The following BBS9 variants were observed in gnomAD, a reference collection of about 807,000 sequenced individuals.
BBS9 encodes protein PTHB1.
Under a neutral mutation model 117.7 loss-of-function variants are expected in BBS9, and 89 were observed. The ratio of observed to expected loss-of-function variants is 0.76; its 90% CI spans 0.64 to 0.90. The LOEUF (loss-of-function observed/expected upper bound fraction) is 0.90. Among genes scored for constraint, BBS9 ranks in the 40% least tolerant of loss-of-function variants. BBS9 has a pLI of 0.00. For missense variants in BBS9, 982 were observed against 1,042.2 expected, an observed-to-expected ratio of 0.94 and a Z score of 0.80; for synonymous variants, 379 against 370.9, an observed-to-expected ratio of 1.02 and a Z score of -0.25.
At chr7:33,365,944 G>A (rs917100258) in intron 16 of BBS9, among the ~76,000 whole-genome samples, 4 of 152,214 alleles carry the variant, frequency 2.6e-5, no homozygotes, top group African/African-American at 7.2e-5. Flanking sequence ...CCTCGGGTGT[G>A]AGCTGGCTCA....
intron 19 of BBS9, among the ~76,000 whole-genome samples, chr7:33,419,698 A>G (rs1409545750): frequency 6.6e-6 from 1 of 152,192 alleles, no homozygotes; most frequent in East Asian, 1.9e-4. Context: ...ATATCTTAAG[A>G]GCATTTGGTG....
At position 33,464,576 on chromosome 7, in the gene BBS9, G is replaced by A. The variant is rs1376398775; in HGVS notation, c.2116-40887G>A. Among the ~76,000 whole-genome samples the A allele has an allele frequency of 2.6e-5, 4 of 151,900 alleles. No homozygotes were observed. In the East Asian group the frequency reaches 7.7e-4, roughly 29 times the overall value. ...TCCAAATGAAAATGTAATAACATCT[G>A]TTCAATAATTTTTTTCCTACTGGAG... On this transcript the variant is annotated intron_variant, in intron 19 of 22. Transcript: ENST00000242067.
At chr7:33,495,222 G>A (rs191170965) in intron 19 of BBS9, among the ~76,000 whole-genome samples, 4 of 152,272 alleles carry the variant, frequency 2.6e-5, no homozygotes, top group African/African-American at 9.6e-5. Context: ...GGGGTCTCCA[G>A]CCTCCCTTTT....
intron 21 of BBS9, among the ~76,000 whole-genome samples, chr7:33,596,838 C>T (rs2129189180): frequency 6.6e-6 from 1 of 152,182 alleles, no homozygotes; most frequent in South Asian, 2.1e-4. Context: ...CCTGCCCATC[C>T]CCCTTCCTTC....
intron 7 of BBS9, among the ~76,000 whole-genome samples, chr7:33,268,999 A>G (rs773831821): frequency 6.6e-6 from 1 of 152,202 alleles, no homozygotes; most frequent in Non-Finnish European, 1.5e-5. Flanking sequence ...CCAAATAGTA[A>G]TCAAATAATT....
At chr7:33,588,969 G>A (rs1861422269) in intron 21 of BBS9, among the ~76,000 whole-genome samples, 1 of 152,050 alleles carries the variant, frequency 6.6e-6, no homozygotes, top group Non-Finnish European at 1.5e-5. Context: ...TTTTCCTCTG[G>A]GTGAAATGGG....
intron 5 of BBS9, among the ~76,000 whole-genome samples, chr7:33,178,198 T>C (rs1797607271): frequency 1.3e-5 from 2 of 152,166 alleles, no homozygotes; most frequent in Non-Finnish European, 2.9e-5. Context: ...GGGATGTGGG[T>C]CTGAAATACA....
Position 33,465,300 on chromosome 7 carries a change from A to G in BBS9, c.2116-40163A>G, listed in dbSNP as rs569369349. 3.3e-5 allele frequency among the ~76,000 whole-genome samples: 5 copies of G among 149,812 alleles called. 1 individual carries two copies. The Middle Eastern group carries it at 0.014, about 419-fold the overall frequency. On this transcript the variant is annotated intron_variant, in intron 19 of 22. Transcript: ENST00000242067. ...GCTTCCTCTCATTAATGCTTTCATG[A>G]GGCATATTTATTTTATGATCGTGTA...
chr7:33,320,458 A>G (rs1811457287), intron 9 of BBS9, among the ~76,000 whole-genome samples: 3 of 152,138 alleles, frequency 2.0e-5, no homozygotes, highest in Non-Finnish European at 4.4e-5. Context: ...TCCATTGTGT[A>G]TGTATAACAA....
At chr7:33,292,883 G>A (rs1490802768) in intron 9 of BBS9, among the ~76,000 whole-genome samples, 1 of 151,914 alleles carries the variant, frequency 6.6e-6, no homozygotes, top group African/African-American at 2.4e-5. Context: ...GCAGGTGCCT[G>A]TAATCCCAGG....
intron 5 of BBS9, chr7:33,242,958 A>G (rs1794780020): frequency 1.9e-6 from 1 of 518,704 alleles, no homozygotes; most frequent in African/African-American, 1.9e-5. Flanking sequence ...CCTTTAATAA[A>G]TCATTTGAAC....
In BBS9 at chr7:33,340,943, C is replaced by T. The variant is rs61764066; in HGVS notation, c.1245C>T (p.Val415=). The change falls in exon 11 of 23, where the codon GTC becomes GTT. Residue 415 remains valine (V), a synonymous_variant. Transcript: ENST00000242067. ...GAGAAGATGACTTGAACGTTTCTGT[C>T]GTGGTTTCTCCTAACTTTGATTCAG... ...TEREDDLNVS[V]VVSPNFDSVS... 3.5e-4 allele frequency: 565 copies of T among 1,613,494 alleles called. 3 individuals carry two copies. The East Asian group carries it at 0.01, about 29-fold the overall frequency.
intron 21 of BBS9, among the ~76,000 whole-genome samples, chr7:33,551,667 C>T (rs1326999822): frequency 2.0e-5 from 3 of 152,080 alleles, no homozygotes; most frequent in Non-Finnish European, 4.4e-5. Flanking sequence ...CCAAGCCCTG[C>T]CCTCAGGGAA....
chr7:33,626,861 G>A (rs1290370425), intron 21 of BBS9, among the ~76,000 whole-genome samples: 2 of 152,220 alleles, frequency 1.3e-5, no homozygotes, highest in Admixed American at 6.5e-5. Context: ...CCTGAAACTA[G>A]AACTTATATT....
At chr7:33,571,180 A>C (rs1857719564) in intron 21 of BBS9, among the ~76,000 whole-genome samples, 1 of 152,192 alleles carries the variant, frequency 6.6e-6, no homozygotes, top group African/African-American at 2.4e-5. Flanking sequence ...TTTAAAACAA[A>C]AAAGTTTATA....
chr7:33,260,856 CCTT>C (rs1797869437), intron 6 of BBS9, among the ~76,000 whole-genome samples: 1 of 152,156 alleles, frequency 6.6e-6, no homozygotes, highest in African/African-American at 2.4e-5. Flanking sequence ...TTATTTCTCT[CCTT>C]CTGTCTGCTA....
At chr7:33,302,694 T>C (rs1292127175) in intron 9 of BBS9, among the ~76,000 whole-genome samples, 1 of 152,214 alleles carries the variant, frequency 6.6e-6, no homozygotes, top group African/African-American at 2.4e-5. Context: ...TGTAGTATAA[T>C]TTGAAGTCAG....
At position 33,273,914 on chromosome 7, in the gene BBS9, A is replaced by G. The variant is rs377207430; in HGVS notation, c.974A>G (p.Gln325Arg). The change falls in exon 9 of 23, where the codon CAA becomes CGA. Residue 325 changes from glutamine to arginine, a missense_variant. Transcript: ENST00000242067. The stretch of plus-strand genomic sequence containing the variant: ...GATGTGACACTGAAGTGGGCCACCC[A>G]ACTTCCCCACATTCCTGTAGCAGTA... Reference protein sequence around the residue: ...YQDVTLKWATQLPHIPVAVRV... With the variant: ...YQDVTLKWATRLPHIPVAVRV... The G allele has an allele frequency of 1.3e-4, 204 of 1,613,362 alleles. No homozygotes were observed. The highest frequency in any genetic ancestry group is 1.6e-4 in the Non-Finnish European group (191 of 1,179,544).
intron 20 of BBS9, among the ~76,000 whole-genome samples, chr7:33,522,131 TA>T (rs1477954490): frequency 6.6e-6 from 1 of 152,066 alleles, no homozygotes; most frequent in Non-Finnish European, 1.5e-5. Flanking sequence ...CACATTTTCT[TA>T]ATCCAGTCTA....
Sources: allele counts gnomAD v4.1 joint callset (sites outside exome capture counted in the v4.1 genomes callset), GRCh38; gene constraint gnomAD v4.1.1; transcripts MANE v1.5; gene names NCBI Gene and HGNC (gene_info 2026-07-23, HGNC 2026-07-21).